The following VTCN1 variants were observed in gnomAD, a reference collection of about 807,000 sequenced individuals.
VTCN1 encodes the protein V-set domain-containing T-cell activation inhibitor 1.
In VTCN1, 26 loss-of-function variants were observed where a neutral mutation model predicts 26.5. That is an observed-to-expected ratio of 0.98 (90% CI 0.72 to 1.36). The LOEUF is 1.36. Ranked by LOEUF, VTCN1 falls within the 40% of genes most tolerant of loss-of-function variation. The probability of loss-of-function intolerance (pLI) is 0.00; values close to 1 mark genes in which losing one functional copy is unlikely to be tolerated. For synonymous variants in VTCN1, 116 were observed against 130.7 expected (o/e 0.89, Z 0.77); for missense variants, 298 against 337.7 (o/e 0.88, Z 0.92).
At chr1:117,186,597 G>A (rs1647956042) in intron 1 of VTCN1, among the ~76,000 whole-genome samples, 2 of 152,216 alleles carry the variant, frequency 1.3e-5, no homozygotes, top group South Asian at 4.1e-4. Context: ...AGAAATAATT[G>A]GATAAGAGAT....
intron 1 of VTCN1, among the ~76,000 whole-genome samples, chr1:117,208,314 C>T (rs1274727652): frequency 6.6e-6 from 1 of 152,150 alleles, no homozygotes; most frequent in Non-Finnish European, 1.5e-5. Context: ...CACCCTTCTT[C>T]ACCTGGGTCA....
chr1:117,198,498 C>T (rs1648624223), intron 1 of VTCN1, among the ~76,000 whole-genome samples: 1 of 152,200 alleles, frequency 6.6e-6, no homozygotes, highest in African/African-American at 2.4e-5. Flanking sequence ...TTTCCATTCC[C>T]TGTCTTAGAC....
intron 2 of VTCN1, among the ~76,000 whole-genome samples, chr1:117,165,313 A>G (rs1416917239): frequency 6.6e-6 from 1 of 152,244 alleles, no homozygotes; most frequent in Admixed American, 6.5e-5. Flanking sequence ...GTTATTTAGT[A>G]CAGTGAAGTG....
At chr1:117,194,546 T>C (rs1648413181) in intron 1 of VTCN1, among the ~76,000 whole-genome samples, 1 of 152,224 alleles carries the variant, frequency 6.6e-6, no homozygotes, top group South Asian at 2.1e-4. Flanking sequence ...ATGTAATCAA[T>C]GTCTAGAAGG....
chr1:117,170,216 C>G, intron 1 of VTCN1, 45 bp from the exon 2 acceptor site: 1 of 1,568,780 alleles, frequency 6.4e-7, no homozygotes, highest in South Asian at 1.1e-5. Context: ...CTCCATTCCT[C>G]TTGATGTGCT....
intron 1 of VTCN1, among the ~76,000 whole-genome samples, chr1:117,195,668 T>C (rs1648471499): frequency 2.0e-5 from 3 of 152,322 alleles, no homozygotes; most frequent in South Asian, 4.1e-4. Context: ...CTTTAAAGCA[T>C]ATAAATGGTT....
rs201649755 is a variant in VTCN1, at chr1:117,154,353, TA to T, written c.446-985del. On this transcript the variant is annotated intron_variant, in intron 3 of 5. Transcript: ENST00000369458. ...CTCCTGTGAATACTATCATCCCCAT[TA>T]AAAAAAAATCAACTTTTAATTTTGA... is the stretch of plus-strand genomic sequence containing the variant. Among the ~76,000 whole-genome samples the T allele has an allele frequency of 5.9e-5, 9 of 151,360 alleles. No individual in the cohort carries two copies. In the South Asian group the frequency reaches 6.2e-4, roughly 10 times the overall value.
At chr1:117,182,177 T>G (rs1175111421) in intron 1 of VTCN1, among the ~76,000 whole-genome samples, 1 of 152,192 alleles carries the variant, frequency 6.6e-6, no homozygotes, top group Non-Finnish European at 1.5e-5. Context: ...GTCTGATTTC[T>G]CTATGTACAA....
intron 1 of VTCN1, among the ~76,000 whole-genome samples, chr1:117,187,309 C>CAAA (rs11415949): frequency 0.021 from 1,519 of 72,980 alleles, 82 homozygotes; most frequent in African/African-American, 0.075. Context: ...GACCTTGTCT[C>CAAA]AAAAAAAAAA....
rs1466680652 is a variant in VTCN1 at position 117,150,502 on chromosome 1, G to T, written c.724+2589C>A. On this transcript the variant is annotated intron_variant, in intron 4 of 5. Transcript: ENST00000369458. ...CTTTCAGACTAGATTTATTTATATT[G>T]GTTTTCTGTTACAGGCAACTAATAA... is the stretch of plus-strand genomic sequence containing the variant. 2.0e-5 allele frequency among the ~76,000 whole-genome samples: 3 copies of T among 152,082 alleles called. No homozygotes were observed. In the South Asian group the frequency reaches 6.2e-4, roughly 32 times the overall value.
At chr1:117,164,809 G>A (rs1362961350) in intron 2 of VTCN1, among the ~76,000 whole-genome samples, 1 of 152,212 alleles carries the variant, frequency 6.6e-6, no homozygotes, top group African/African-American at 2.4e-5. Context: ...TTTCCATCAC[G>A]TCTCCTTCCT....
chr1:117,194,647 G>T (rs1284560860), intron 1 of VTCN1, among the ~76,000 whole-genome samples: 3 of 152,224 alleles, frequency 2.0e-5, no homozygotes, highest in Non-Finnish European at 4.4e-5. Context: ...AGTTGACAAA[G>T]AAATTGTGTC....
At chr1:117,170,071 G>A (rs780200399) in intron 2 of VTCN1, 36 bp downstream of exon 2, 1 of 1,581,752 alleles carries the variant, frequency 6.3e-7, no homozygotes, top group South Asian at 1.1e-5. Context: ...AATGGTGAGG[G>A]GTGAATAGAT....
chr1:117,164,307 C>G (rs1355019859), intron 2 of VTCN1, among the ~76,000 whole-genome samples: 1 of 151,838 alleles, frequency 6.6e-6, no homozygotes, highest in Non-Finnish European at 1.5e-5. Flanking sequence ...CCAAACTGGA[C>G]TTGTCTAAGT....
At chr1:117,172,414 G>A (rs1330572139) in intron 1 of VTCN1, 2 of 518,816 alleles carry the variant, frequency 3.9e-6, no homozygotes, top group Middle Eastern at 3.2e-4. Flanking sequence ...CCACACCTCA[G>A]TGTAGCCTCA....
chr1:117,170,638 T>C (rs1451540166), intron 1 of VTCN1, among the ~76,000 whole-genome samples: 1 of 152,180 alleles, frequency 6.6e-6, no homozygotes, highest in African/African-American at 2.4e-5. Context: ...CTTCTTCACT[T>C]TGTACCCACT....
intron 2 of VTCN1, among the ~76,000 whole-genome samples, chr1:117,160,281 T>C (rs1311095276): frequency 6.6e-6 from 1 of 152,188 alleles, no homozygotes; most frequent in Non-Finnish European, 1.5e-5. Context: ...ACACCTGATA[T>C]TAAAGTGGCC....
At chr1:117,176,349 T>C (rs192632219) in intron 1 of VTCN1, among the ~76,000 whole-genome samples, 18 of 152,316 alleles carry the variant, frequency 1.2e-4, no homozygotes, top group South Asian at 6.2e-4. Context: ...AACTACATGC[T>C]ATACTTCTAG....
chr1:117,194,994 G>A (rs1003795758), intron 1 of VTCN1, among the ~76,000 whole-genome samples: 7 of 152,108 alleles, frequency 4.6e-5, no homozygotes, highest in African/African-American at 9.6e-5. Context: ...GGCCGGGCAC[G>A]GTGGCTCATG....
Sources: allele counts gnomAD v4.1 joint callset (sites outside exome capture counted in the v4.1 genomes callset), GRCh38; gene constraint gnomAD v4.1.1; transcripts MANE v1.5; gene names NCBI Gene and HGNC (gene_info 2026-07-23, HGNC 2026-07-21).